The following ARHGEF3 variants were observed in gnomAD, a reference collection of about 807,000 sequenced individuals.
ARHGEF3 encodes Rho guanine nucleotide exchange factor 3.
Under a neutral mutation model 63.2 loss-of-function variants are expected in ARHGEF3, and 28 were observed. The ratio of observed to expected loss-of-function variants is 0.44; its 90% confidence interval spans 0.33 to 0.61. The LOEUF is 0.61. Ranked by LOEUF, ARHGEF3 falls within the 20% of genes least tolerant of loss-of-function variation. ARHGEF3 has a pLI of 0.03. For synonymous variants in ARHGEF3, 266 were observed against 254.2 expected (o/e 1.05, Z -0.44); for missense variants, 533 against 659.3 (o/e 0.81, Z 2.10).
intron 3 of ARHGEF3, among the ~76,000 whole-genome samples, chr3:56,907,219 G>T (rs991449397): frequency 1.8e-4 from 28 of 152,066 alleles, no homozygotes; most frequent in African/African-American, 6.5e-4. Flanking sequence ...GACCTCAGGT[G>T]ATCCACCCGC....
At chr3:57,022,785 C>T (rs1356757909) in intron 2 of ARHGEF3, among the ~76,000 whole-genome samples, 1 of 152,050 alleles carries the variant, frequency 6.6e-6, no homozygotes. Context: ...CAAGACATGA[C>T]TCGCAGTAGC....
chr3:57,008,435 A>G (rs1465622703), intron 2 of ARHGEF3, among the ~76,000 whole-genome samples: 1 of 151,962 alleles, frequency 6.6e-6, no homozygotes, highest in Non-Finnish European at 1.5e-5. Context: ...ATTGGAAGAA[A>G]TAGATCTGCA....
Position 57,013,132 on chromosome 3 carries a change from C to T in ARHGEF3, c.62+21956G>A, listed in dbSNP as rs537151160. Among the ~76,000 whole-genome samples the T allele has an allele frequency of 2.0e-5, 3 of 152,370 alleles. No individual in the cohort carries two copies. The East Asian group carries it at 5.8e-4, about 29-fold the overall frequency. On this transcript the variant is annotated intron_variant, in intron 2 of 12. Coordinates refer to the ARHGEF3 transcript ENST00000338458. ...GGCAGGGCTTGGGACCTCCAGCCCG[C>T]CATGCCTGAGCCCCCCGCCCTGGCG...
intron 2 of ARHGEF3, among the ~76,000 whole-genome samples, chr3:56,756,660 T>C (rs1403751313): frequency 6.6e-6 from 1 of 151,308 alleles, no homozygotes; most frequent in Admixed American, 6.6e-5. Flanking sequence ...CGCCACTCTC[T>C]TGCTTCAGCC....
intron 2 of ARHGEF3, 128 bp downstream of exon 2, chr3:56,773,581 A>C: frequency 1.3e-6 from 1 of 762,452 alleles, no homozygotes; most frequent in Non-Finnish European, 2.0e-6. Flanking sequence ...CCTCACTTGC[A>C]CTCTTCTATT....
At chr3:56,778,834 C>T (rs183926767) in intron 1 of ARHGEF3, among the ~76,000 whole-genome samples, 50 of 152,346 alleles carry the variant, frequency 3.3e-4, no homozygotes, top group East Asian at 7.7e-4. Context: ...CTATGCCCCG[C>T]TTACAAAATA....
chr3:56,995,536 A>AT lies in ARHGEF3; in HGVS notation c.63-36648dup, dbSNP rs1156475309. ...AGCAAACAGGAGACATGCAATCATC[A>AT]TTTTTTCAATCAATCCCAAAGTGAC... On this transcript the variant is annotated intron_variant, in intron 2 of 12. Transcript: ENST00000338458. Among the ~76,000 whole-genome samples the AT allele has an allele frequency of 4.0e-5, 6 of 151,338 alleles. No homozygotes were observed. In the East Asian group the frequency reaches 1.2e-3, roughly 30 times the overall value.
intron 1 of ARHGEF3, among the ~76,000 whole-genome samples, chr3:57,054,189 T>G (rs1704801474): frequency 6.6e-6 from 1 of 152,218 alleles, no homozygotes; most frequent in East Asian, 1.9e-4. Flanking sequence ...ATTTTAGTCA[T>G]TCTGGTGGGT....
At chr3:56,926,267 A>G (rs2042272971) in intron 3 of ARHGEF3, among the ~76,000 whole-genome samples, 1 of 152,184 alleles carries the variant, frequency 6.6e-6, no homozygotes, top group Non-Finnish European at 1.5e-5. Context: ...GCGAGGAGAC[A>G]GTCAAGGGGT....
intron 7 of ARHGEF3, among the ~76,000 whole-genome samples, chr3:56,741,288 T>A (rs1141405): frequency 6.9e-6 from 1 of 144,034 alleles, no homozygotes; most frequent in Non-Finnish European, 1.5e-5. Flanking sequence ...CGGGTTCAAG[T>A]GATTCGCTTG....
At chr3:56,757,345 G>A (rs548926089) in intron 2 of ARHGEF3, among the ~76,000 whole-genome samples, 116 of 152,220 alleles carry the variant, frequency 7.6e-4, no homozygotes, top group African/African-American at 2.6e-3. Context: ...GTGGTGGCAT[G>A]TGCCTGTAAT....
At chr3:56,768,354 C>T (rs1349470046) in intron 2 of ARHGEF3, among the ~76,000 whole-genome samples, 3 of 151,744 alleles carry the variant, frequency 2.0e-5, no homozygotes, top group East Asian at 1.9e-4. Flanking sequence ...CCACTACACC[C>T]GGCCTCAATA....
chr3:57,051,012 T>C (rs900795556), intron 1 of ARHGEF3, among the ~76,000 whole-genome samples: 2 of 152,136 alleles, frequency 1.3e-5, no homozygotes, highest in African/African-American at 4.8e-5. Context: ...GCTGGACATA[T>C]TTCGGAATTC....
chr3:56,881,449 T>A (rs2040762837), intron 4 of ARHGEF3, among the ~76,000 whole-genome samples: 1 of 152,116 alleles, frequency 6.6e-6, no homozygotes, highest in Admixed American at 6.5e-5. Flanking sequence ...AGCCCCAGGA[T>A]AATGAGGGCA....
Position 56,944,568 on chromosome 3 carries a change from C to CTTTTTTTTTT in ARHGEF3, c.129+14245_129+14254dup, listed in dbSNP as rs1205155655. On this transcript the variant is annotated intron_variant, in intron 3 of 12. Coordinates refer to the ARHGEF3 transcript ENST00000338458. ...TATGGATGAGCAAAGAAAGTGGTTT[C>CTTTTTTTTTT]TTTTTTTTTTTTTTTTTTTTTTTTG... Among the ~76,000 whole-genome samples, 191 of 65,826 alleles carry CTTTTTTTTTT rather than the reference C, an allele frequency of 2.9e-3. 4 individuals are homozygous for CTTTTTTTTTT. Among genetic ancestry groups the CTTTTTTTTTT allele is most frequent in the East Asian group, 0.013 (21 of 1,588 alleles). 43.2% of individuals were successfully genotyped at this position (65,826 alleles called of 152,430 possible). A position where few individuals can be genotyped will look rare whatever the true frequency, so the allele number is the denominator to read the frequency against.
At chr3:56,921,326 A>T (rs918120784) in intron 3 of ARHGEF3, among the ~76,000 whole-genome samples, 1 of 152,174 alleles carries the variant, frequency 6.6e-6, no homozygotes, top group East Asian at 1.9e-4. Context: ...ACATCATAAG[A>T]TTATTAGTTC....
upstream of ARHGEF3, chr3:56,801,955 C>G (rs1182437299): frequency 1.3e-6 from 2 of 1,530,652 alleles, no homozygotes; most frequent in East Asian, 2.5e-5. Flanking sequence ...CGACTGGGCT[C>G]CGGAGCCGAG....
chr3:56,952,240 T>C (rs538961173), intron 3 of ARHGEF3, among the ~76,000 whole-genome samples: 2 of 152,238 alleles, frequency 1.3e-5, no homozygotes, highest in African/African-American at 4.8e-5. Flanking sequence ...AGATTCTCCA[T>C]TGCTGACTTT....
intron 2 of ARHGEF3, among the ~76,000 whole-genome samples, chr3:56,979,269 G>T (rs1229628930): frequency 6.6e-6 from 1 of 152,184 alleles, no homozygotes; most frequent in Non-Finnish European, 1.5e-5. Context: ...ACCTTTAATT[G>T]CATGCTTTCA....
Sources: gnomAD v4.1 joint callset for allele counts (sites outside exome capture counted in the v4.1 genomes callset) on GRCh38, gnomAD v4.1.1 for gene constraint, MANE v1.5 for transcripts, NCBI Gene and HGNC (gene_info 2026-07-23, HGNC 2026-07-21) for gene names.